Variants in LIPI observed in about 807,000 individuals in gnomAD.
LIPI encodes lipase member I.
A neutral mutation model predicts 50.6 loss-of-function variants in LIPI; 59 were observed. The ratio of observed to expected loss-of-function variants is 1.16; its 90% CI spans 0.94 to 1.45. The LOEUF is 1.45. Among genes scored for constraint, LIPI ranks in the 40% most tolerant of loss-of-function variants. LIPI has a pLI of 0.00. For synonymous variants in LIPI, 203 were observed against 178.2 expected, an observed-to-expected ratio of 1.14 and a Z score of -1.11; for missense variants, 586 against 536.3, an observed-to-expected ratio of 1.09 and a Z score of -0.92.
intron 8 of LIPI, among the ~76,000 whole-genome samples, chr21:14,147,684 A>G (rs2017954096): frequency 6.6e-6 from 1 of 152,196 alleles, no homozygotes; most frequent in African/African-American, 2.4e-5. Context: ...CTCTCCATGT[A>G]TCTTTTAGCT....
At chr21:14,168,515 C>T (rs9680190) in intron 4 of LIPI, among the ~76,000 whole-genome samples, 68,224 of 151,986 alleles carry the variant, frequency 0.45, 15,705 homozygotes, top group East Asian at 0.64. Context: ...CAGCGGATCT[C>T]TCGGCAGAAA....
intron 7 of LIPI, among the ~76,000 whole-genome samples, chr21:14,155,958 G>T (rs1281539368): frequency 6.6e-6 from 1 of 151,880 alleles, no homozygotes; most frequent in Admixed American, 6.6e-5. Context: ...AAATGTTAAG[G>T]ATTGAAACAA....
rs776639602 is a variant in LIPI, at chr21:14,189,198, G to A, written c.268C>T (p.Pro90Ser). Residue 90 changes from proline to serine, a missense_variant, in exon 2 of 10, where the codon CCA (proline) becomes TCA (serine). Physicochemically the swap from Pro to Ser is moderately conservative, Grantham distance 74 (BLOSUM62 -1). Coordinates refer to ENST00000681601, the MANE Select transcript of LIPI (RefSeq NM_001302998.2). Reference protein sequence around the residue: ...IHGYRPVGSIPLWLQNFVRIL... With the variant: ...IHGYRPVGSISLWLQNFVRIL... ...CTTACGAAGTTCTGAAGCCATAATG[G>A]GATGGAGCCTACTGGTCTGTATCCG... The A allele has an allele frequency of 2.5e-6, 4 of 1,614,030 alleles. No individual in the cohort carries two copies. In the East Asian group the frequency reaches 8.9e-5, roughly 36 times the overall value.
chr21:14,157,935 T>C (rs1450026103), intron 7 of LIPI, among the ~76,000 whole-genome samples: 3 of 151,826 alleles, frequency 2.0e-5, no homozygotes, highest in Admixed American at 6.6e-5. Context: ...ATTTGATTCC[T>C]GAGATTCACA....
chr21:14,196,172 A>AAAAT (rs139955022), intron 1 of LIPI, among the ~76,000 whole-genome samples: 99 of 138,200 alleles, frequency 7.2e-4, no homozygotes, highest in South Asian at 1.6e-3. Context: ...AAAAAACAAA[A>AAAAT]CAAGAAGTAT....
chr21:14,145,276 G>A (rs2017862279), intron 8 of LIPI, among the ~76,000 whole-genome samples: 1 of 152,154 alleles, frequency 6.6e-6, no homozygotes, highest in African/African-American at 2.4e-5. Context: ...CATTTACAAT[G>A]TAATTAAGCT....
At chr21:14,185,732 T>C (rs1404248330) in intron 3 of LIPI, among the ~76,000 whole-genome samples, 1 of 151,552 alleles carries the variant, frequency 6.6e-6, no homozygotes, top group Non-Finnish European at 1.5e-5. Context: ...AAACAAAAAT[T>C]AGCCGGTGTG....
chr21:14,193,826 T>C (rs1015895485), intron 1 of LIPI, among the ~76,000 whole-genome samples: 2 of 152,066 alleles, frequency 1.3e-5, no homozygotes, highest in African/African-American at 4.8e-5. Flanking sequence ...CAAAGGACAT[T>C]ATCAACAAAG....
chr21:14,206,987 C>G (rs1311672115), intron 1 of LIPI: 5 of 1,095,936 alleles, frequency 4.6e-6, no homozygotes, highest in East Asian at 2.4e-5. Flanking sequence ...GAAGGAAGAC[C>G]CTTTTGGGCC....
chr21:14,128,666 G>A (rs886150169), intron 9 of LIPI, among the ~76,000 whole-genome samples: 12 of 146,888 alleles, frequency 8.2e-5, no homozygotes, highest in African/African-American at 3.0e-4. Flanking sequence ...TTAGGTACAC[G>A]ATATATCTTA....
intron 1 of LIPI, among the ~76,000 whole-genome samples, chr21:14,203,739 A>G (rs959721557): frequency 4.0e-5 from 6 of 151,756 alleles, no homozygotes; most frequent in Non-Finnish European, 8.8e-5. Flanking sequence ...ATGTTACATG[A>G]TATTTAATGT....
chr21:14,208,620 T>TCGTGCA (rs68131489), intron 1 of LIPI, among the ~76,000 whole-genome samples: 1 of 151,754 alleles, frequency 6.6e-6, no homozygotes, highest in Non-Finnish European at 1.5e-5. Context: ...AAAGTTGTAT[T>TCGTGCA]CGTGCACGTG....
Position 14,118,069 on chromosome 21 carries a change from A to G in LIPI, c.1296-8989T>C, listed in dbSNP as rs2016722662. Among the ~76,000 whole-genome samples the G allele has an allele frequency of 2.0e-5, 3 of 151,890 alleles. No homozygotes were observed. The South Asian group carries it at 6.2e-4, about 32-fold the overall frequency. ...TGCAAGCAAAGAGGGCATTGGAAAGATGAATGTCCAGAGAAAGAATAGGAC... is the reference window on the plus strand; with the variant it reads ...TGCAAGCAAAGAGGGCATTGGAAAGGTGAATGTCCAGAGAAAGAATAGGAC... On this transcript the variant is annotated intron_variant, in intron 9 of 9. Transcript: ENST00000681601.
chr21:14,198,880 A>G (rs52931), intron 1 of LIPI, among the ~76,000 whole-genome samples: 21,618 of 152,108 alleles, frequency 0.14, 1,965 homozygotes, highest in South Asian at 0.21. Context: ...CCTCAGCAAA[A>G]CAAAAGAAAT....
chr21:14,132,578 T>C (rs2017337933), intron 9 of LIPI, among the ~76,000 whole-genome samples: 1 of 152,070 alleles, frequency 6.6e-6, no homozygotes, highest in South Asian at 2.1e-4. Context: ...AAAGGGATCC[T>C]AAACATGGAA....
At chr21:14,182,653 C>G (rs2019312703) in intron 3 of LIPI, among the ~76,000 whole-genome samples, 3 of 151,992 alleles carry the variant, frequency 2.0e-5, no homozygotes, top group Admixed American at 1.3e-4. Context: ...ATCCAACTTA[C>G]AAGGGATGTG....
In LIPI at chr21:14,186,104, C is replaced by A. The variant is rs73346081; in HGVS notation, c.433-35G>T. 8,046 of 1,122,220 alleles carry A rather than the reference C, an allele frequency of 7.2e-3. 372 individuals are homozygous for A. In the African/African-American group the frequency reaches 0.1, roughly 15 times the overall value. 69.5% of individuals were successfully genotyped at this position (1,122,220 alleles called of 1,614,324 possible). A position where few individuals can be genotyped will look rare whatever the true frequency, so the allele number is the denominator to read the frequency against. On this transcript the variant is annotated intron_variant, in intron 2 of 9. Transcript: ENST00000681601. ...AAGAGAAAGGCAATATTACAGTATT[C>A]ATTTCAAGTAATAACAAATCATGCC...
chr21:14,131,105 C>T (rs1220780604), intron 9 of LIPI, among the ~76,000 whole-genome samples: 2 of 152,222 alleles, frequency 1.3e-5, no homozygotes, highest in South Asian at 4.1e-4. Context: ...CGCCTGCCAC[C>T]ACACCCGGCT....
chr21:14,144,142 G>A (rs1235053879), intron 9 of LIPI: 1 of 153,894 alleles, frequency 6.5e-6, no homozygotes, highest in Admixed American at 6.5e-5. Flanking sequence ...GATGAAAATA[G>A]GCTTTTCTGT....
Sources: allele counts gnomAD v4.1 joint callset (sites outside exome capture counted in the v4.1 genomes callset), GRCh38; gene constraint gnomAD v4.1.1; transcripts MANE v1.5; gene names NCBI Gene and HGNC (gene_info 2026-07-23, HGNC 2026-07-21).